Variants in ACOT7 observed in about 807,000 individuals in gnomAD.
The protein encoded by ACOT7 is acyl-CoA thioesterase 7.
ACOT7 carries 12 observed loss-of-function variants against 40.2 expected under a neutral mutation model. The ratio of observed to expected loss-of-function variants is 0.30; its 90% CI spans 0.19 to 0.48. The LOEUF is 0.48. Ranked by LOEUF, ACOT7 falls within the 20% of genes least tolerant of loss-of-function variation. The pLI is 0.99. For synonymous variants in ACOT7, 228 were observed against 219.5 expected (o/e 1.04, Z -0.34); for missense variants, 395 against 530.8 (o/e 0.74, Z 2.51).
intron 8 of ACOT7, among the ~76,000 whole-genome samples, chr1:6,279,827 G>T (rs1281123065): frequency 6.6e-6 from 1 of 152,204 alleles, no homozygotes; most frequent in African/African-American, 2.4e-5. Flanking sequence ...CCAGGAAGGG[G>T]CAGGGCTGGG....
At chr1:6,324,645 T>C (rs1267761302) in intron 5 of ACOT7, among the ~76,000 whole-genome samples, 1 of 152,104 alleles carries the variant, frequency 6.6e-6, no homozygotes, top group East Asian at 1.9e-4. Context: ...CCAAGCTCTC[T>C]CCAGAAACCG....
chr1:6,381,328 A>G (rs190772101), intron 1 of ACOT7, among the ~76,000 whole-genome samples: 1 of 152,022 alleles, frequency 6.6e-6, no homozygotes, highest in African/African-American at 2.4e-5. Context: ...CAATATATTT[A>G]ATTTTCAGTT....
chr1:6,317,074 A>C (rs1640516125), intron 6 of ACOT7, among the ~76,000 whole-genome samples: 1 of 152,370 alleles, frequency 6.6e-6, no homozygotes, highest in East Asian at 1.9e-4. Flanking sequence ...TGTTCCAGGC[A>C]GTTAGAAATG....
At chr1:6,383,241 G>A (rs1168194510) in intron 1 of ACOT7, among the ~76,000 whole-genome samples, 1 of 145,020 alleles carries the variant, frequency 6.9e-6, no homozygotes, top group African/African-American at 2.6e-5. Context: ...AGGCTGGAGT[G>A]TAGTGGCGCA....
chr1:6,373,602 C>T (rs943682296), intron 1 of ACOT7, among the ~76,000 whole-genome samples: 1 of 151,872 alleles, frequency 6.6e-6, no homozygotes, highest in Non-Finnish European at 1.5e-5. Flanking sequence ...CAGTGGCTCA[C>T]GCCTATAATC....
At chr1:6,310,846 T>G (rs1370328219) in intron 6 of ACOT7, among the ~76,000 whole-genome samples, 1 of 152,152 alleles carries the variant, frequency 6.6e-6, no homozygotes, top group African/African-American at 2.4e-5. Context: ...CAAGTGATTA[T>G]CCTGCCTCAG....
At chr1:6,354,870 A>G (rs1292015275) in intron 1 of ACOT7, among the ~76,000 whole-genome samples, 1 of 122,902 alleles carries the variant, frequency 8.1e-6, no homozygotes, top group African/African-American at 3.1e-5. Flanking sequence ...CTCACCCCCC[A>G]TGGCCTCTGC....
rs574771222 is a variant in ACOT7 at position 6,274,176 on chromosome 1, A to G, written c.1014+6926T>C. ...GAAAGCTTGCCCCATGCTTCCTCCT[A>G]AGTGCAAAGGGGCGAGGGACCTTCC... On this transcript the variant is annotated intron_variant, in intron 8 of 8. Coordinates refer to ENST00000361521, the MANE Select transcript of ACOT7 (RefSeq NM_007274.4). This position sits in a 1 kb window ranked among gnomAD's most constrained non-coding sequence, Gnocchi z 5.9. Among the ~76,000 whole-genome samples, 1 of 152,136 alleles carries G rather than the reference A, an allele frequency of 6.6e-6. No individual in the cohort carries two copies. The highest frequency in any genetic ancestry group is 6.5e-5 in the Admixed American group (1 of 15,282).
intron 1 of ACOT7, among the ~76,000 whole-genome samples, chr1:6,381,269 C>G (rs1377967835): frequency 6.6e-6 from 1 of 151,430 alleles, no homozygotes; most frequent in Non-Finnish European, 1.5e-5. Context: ...ATATATACAC[C>G]TATACATGTC....
intron 2 of ACOT7, among the ~76,000 whole-genome samples, chr1:6,344,738 T>G (rs1386521803): frequency 8.3e-6 from 1 of 120,116 alleles, no homozygotes; most frequent in Admixed American, 1.2e-4. Flanking sequence ...CACCCCAGCC[T>G]GGGCGACAGA....
At chr1:6,383,539 G>GTTTT (rs201588214) in intron 1 of ACOT7, among the ~76,000 whole-genome samples, 11,058 of 143,132 alleles carry the variant, frequency 0.077, 610 homozygotes, top group African/African-American at 0.13. Flanking sequence ...TTTTAACACA[G>GTTTT]TTTTTTTTTT....
intron 6 of ACOT7, among the ~76,000 whole-genome samples, chr1:6,307,406 G>A (rs1444100336): frequency 3.9e-5 from 6 of 152,216 alleles, no homozygotes; most frequent in Non-Finnish European, 8.8e-5. Context: ...GCGCTAAGTG[G>A]GAATGCAGGA....
chr1:6,365,699 C>T (rs56292643), intron 1 of ACOT7, among the ~76,000 whole-genome samples: 11,464 of 149,648 alleles, frequency 0.077, 660 homozygotes, highest in African/African-American at 0.16. Context: ...ACCCGGGAGG[C>T]GGAGCTTGCA....
Position 6,279,631 on chromosome 1 carries a change from C to T in ACOT7, c.1014+1471G>A, listed in dbSNP as rs732404. Among the ~76,000 whole-genome samples, 1,424 of 152,312 alleles carry T rather than the reference C, an allele frequency of 9.3e-3. 21 individuals carry two copies. The highest frequency in any genetic ancestry group is 0.031 in the African/African-American group (1,300 of 41,558). On this transcript the variant is annotated intron_variant, in intron 8 of 8. Transcript: ENST00000361521. ...TTCAGCCTGGCCGAGTCCTCCTCAT[C>T]CATCAAGTCCAGGTTCACCATCAGC...
At chr1:6,277,110 A>G (rs1478712260) in intron 8 of ACOT7, among the ~76,000 whole-genome samples, 5 of 152,096 alleles carry the variant, frequency 3.3e-5, no homozygotes. Context: ...CTATCCACAC[A>G]AGGGTGGACC....
chr1:6,271,596 G>A (rs1460848076), intron 8 of ACOT7, among the ~76,000 whole-genome samples: 3 of 152,170 alleles, frequency 2.0e-5, no homozygotes, highest in Non-Finnish European at 2.9e-5. Flanking sequence ...TTGCCTTAGC[G>A]GAGCCTGTCC....
At chr1:6,317,017 G>A (rs889062407) in intron 6 of ACOT7, among the ~76,000 whole-genome samples, 6 of 152,210 alleles carry the variant, frequency 3.9e-5, no homozygotes, top group African/African-American at 1.4e-4. Flanking sequence ...GCTGGGTTTT[G>A]AAGGATAAAT....
At chr1:6,372,738 T>C (rs1557671889) in intron 1 of ACOT7, among the ~76,000 whole-genome samples, 1 of 152,054 alleles carries the variant, frequency 6.6e-6, no homozygotes, top group Non-Finnish European at 1.5e-5. Flanking sequence ...TTAGTAGAGA[T>C]GGCGTTTCAC....
intron 1 of ACOT7, among the ~76,000 whole-genome samples, chr1:6,360,007 C>A (rs1414127179): frequency 6.6e-6 from 1 of 152,218 alleles, no homozygotes; most frequent in Non-Finnish European, 1.5e-5. Flanking sequence ...AGGCACTGAG[C>A]CTGGGAAGTC....
Sources: allele counts gnomAD v4.1 joint callset (sites outside exome capture counted in the v4.1 genomes callset), GRCh38; gene constraint gnomAD v4.1.1; non-coding constraint Gnocchi (gnomAD v3.1); transcripts MANE v1.5; gene names NCBI Gene and HGNC (gene_info 2026-07-23, HGNC 2026-07-21).